PABPN1L: variants seen among roughly 807,000 people sequenced by gnomAD.
The protein encoded by PABPN1L is embryonic polyadenylate-binding protein 2.
Under a neutral mutation model 34.0 loss-of-function variants are expected in PABPN1L, and 45 were observed. The observed-to-expected ratio is 1.32, with a 90% confidence interval of 1.04 to 1.70. PABPN1L has a LOEUF of 1.70. Ranked by LOEUF, PABPN1L falls within the 40% of genes most tolerant of loss-of-function variation. The pLI, the probability that PABPN1L is intolerant of heterozygous loss-of-function variation, is 0.00. For synonymous variants in PABPN1L, 182 were observed against 152.1 expected (o/e 1.20, Z -1.45); for missense variants, 459 against 367.8 (o/e 1.25, Z -2.03).
At position 88,864,395 on chromosome 16, in the gene PABPN1L, G is replaced by A. The variant is rs977667781; in HGVS notation, c.655-16C>T. The A allele has an allele frequency of 6.4e-7, 1 of 1,551,788 alleles. No homozygotes were observed. The highest frequency in any genetic ancestry group is 1.4e-5 in the African/African-American group (1 of 73,236). On this transcript the variant is annotated splice_polypyrimidine_tract_variant and intron_variant, in intron 5 of 6. Transcript: ENST00000419291. ...TCGGCAGCACCTGGAGCAAAGGCCTGTTTTGAGTCCTCCTCAAGGAGCAGC... is the reference window on the plus strand; with the variant it reads ...TCGGCAGCACCTGGAGCAAAGGCCTATTTTGAGTCCTCCTCAAGGAGCAGC...
At chr16:88,864,345 C>A in exon 6 of PABPN1L, 1 of 1,556,314 alleles carries the variant, frequency 6.4e-7, no homozygotes, top group Non-Finnish European at 8.7e-7. Context: ...GTCTGTGGAG[C>A]TGATCCCAGG....
chr16:88,869,203 G>C (rs905921228), upstream of PABPN1L, among the ~76,000 whole-genome samples: 2 of 152,214 alleles, frequency 1.3e-5, no homozygotes, highest in Non-Finnish European at 2.9e-5. Context: ...GCTGACTGAA[G>C]ACCATGCTGT....
chr16:88,864,400 G>A, intron 5 of PABPN1L, 21 bp from the exon 6 acceptor site: 2 of 1,550,486 alleles, frequency 1.3e-6, no homozygotes, highest in South Asian at 1.2e-5. Flanking sequence ...GGCCTGTTTT[G>A]AGTCCTCCTC....
At chr16:88,866,719 T>C, upstream of PABPN1L, 1 of 1,383,072 alleles carries the variant, frequency 7.2e-7, no homozygotes, top group South Asian at 1.5e-5. Flanking sequence ...GGCCAGCTGC[T>C]CCCACTAGAG....
rs1039731778 is a variant in PABPN1L, at chr16:88,866,210, G to A, written c.255+142C>T. ...GTGGCTGGGGGCGGGGGGTCTCCTT[G>A]CCACCTTCGTCCAGGCAGGTGGGCA... On this transcript the variant is annotated intron_variant, in intron 1 of 6. Coordinates refer to ENST00000419291, the Ensembl canonical transcript of PABPN1L. The A allele has an allele frequency of 1.2e-4, 166 of 1,359,892 alleles. No homozygotes were observed. The East Asian group carries it at 4.1e-3, about 34-fold the overall frequency. The allele number at this position is 1,359,892 out of a possible 1,614,324, so 84.2% of individuals were successfully genotyped here. A position where few individuals can be genotyped will look rare whatever the true frequency, so the allele number is the denominator to read the frequency against.
At chr16:88,865,623 G>T in exon 3 of PABPN1L, 1 of 1,608,458 alleles carries the variant, frequency 6.2e-7, no homozygotes, top group Middle Eastern at 1.7e-4. Context: ...TCCCAGAGAG[G>T]GGGCAGCCTG....
exon 5 of PABPN1L, chr16:88,864,856 G>C (rs1284085249): frequency 3.8e-6 from 6 of 1,588,064 alleles, no homozygotes; most frequent in Admixed American, 3.4e-5. Flanking sequence ...GGCGCACCTT[G>C]ATGACCCGGC....
exon 7 of PABPN1L, chr16:88,863,617 G>A: frequency 1.8e-6 from 2 of 1,108,746 alleles, no homozygotes; most frequent in Non-Finnish European, 2.6e-6. Context: ...CCCGCCAAGA[G>A]GGGGCCAGTG....
At chr16:88,863,762 C>G in exon 7 of PABPN1L, 4 of 1,536,076 alleles carry the variant, frequency 2.6e-6, no homozygotes, top group Non-Finnish European at 3.5e-6. Context: ...CCCTTTAATA[C>G]GGTGAAAACC....
intron 3 of PABPN1L, 111 bp downstream of exon 3, chr16:88,865,452 G>A (rs1968568186): frequency 7.3e-7 from 1 of 1,375,000 alleles, no homozygotes; most frequent in Non-Finnish European, 1.0e-6. Context: ...CTGCCCCCAG[G>A]GTCAGACCCC....
chr16:88,865,887 G>A (rs1449913021), exon 2 of PABPN1L: 1 of 1,609,592 alleles, frequency 6.2e-7, no homozygotes, highest in Admixed American at 1.7e-5. Context: ...GGAGGCCGTG[G>A]CGTCCCCTCG....
At chr16:88,864,093 A>C in intron 6 of PABPN1L, 144 bp downstream of exon 6, 3 of 1,059,110 alleles carry the variant, frequency 2.8e-6, no homozygotes, top group East Asian at 2.7e-5. Context: ...CCACCAGCTG[A>C]TGCAGCAGCC....
chr16:88,864,444 C>A (rs866240435), intron 5 of PABPN1L, 65 bp from the exon 6 acceptor site: 1 of 1,491,908 alleles, frequency 6.7e-7, no homozygotes, highest in Middle Eastern at 2.1e-4. Context: ...ACAGCCCCCG[C>A]AGCCCCCACC....
chr16:88,864,356 G>T, exon 6 of PABPN1L: 1 of 1,556,280 alleles, frequency 6.4e-7, no homozygotes, highest in Non-Finnish European at 8.7e-7. Flanking sequence ...TGATCCCAGG[G>T]AAGTTGGTTC....
upstream of PABPN1L, among the ~76,000 whole-genome samples, chr16:88,868,931 A>G (rs6500506): frequency 0.11 from 16,404 of 152,212 alleles, 2,316 homozygotes; most frequent in African/African-American, 0.33. Context: ...CCTTTGTCCC[A>G]TACCTGGGAA....
chr16:88,863,349 G>A (rs1968490396), exon 7 of PABPN1L: 2 of 288,826 alleles, frequency 6.9e-6, no homozygotes, highest in South Asian at 3.7e-5. Context: ...TTTAAAAAGA[G>A]CCCAAGTTTA....
At chr16:88,865,116 C>A (rs776096992) in exon 4 of PABPN1L, 1 of 1,573,848 alleles carries the variant, frequency 6.4e-7, no homozygotes, top group East Asian at 2.4e-5. Context: ...TCGGCGGAGC[C>A]CCCGTAGTCC....
chr16:88,865,618 G>C lies in PABPN1L; in HGVS notation c.404C>G (p.Ser135Cys), dbSNP rs1404830997. 5 of 1,609,480 alleles carry C rather than the reference G, an allele frequency of 3.1e-6. No homozygotes were observed. In the South Asian group the frequency reaches 3.3e-5, roughly 11 times the overall value. Residue 135 changes from serine to cysteine, a missense_variant, in exon 3 of 7, where the codon TCT (serine) becomes TGT (cysteine). Coordinates refer to ENST00000419291, the Ensembl canonical transcript of PABPN1L. ...CTCCACCTTCTCCTCGGGGGTCCCA[G>C]AGAGGGGGCAGCCTGCGGAGAACAC...
exon 1 of PABPN1L, chr16:88,866,371 T>C (rs557715340): frequency 6.4e-7 from 1 of 1,550,444 alleles, no homozygotes; most frequent in African/African-American, 1.4e-5. Flanking sequence ...CAATGGGCAC[T>C]CAGCCAGGTT....
Sources: gnomAD v4.1 joint callset for allele counts (sites outside exome capture counted in the v4.1 genomes callset) on GRCh38, gnomAD v4.1.1 for gene constraint, MANE v1.5 for transcripts, NCBI Gene and HGNC (gene_info 2026-07-23, HGNC 2026-07-21) for gene names.